The following GRIP2 variants were observed in gnomAD, a reference collection of about 807,000 sequenced individuals.
GRIP2 encodes the protein glutamate receptor-interacting protein 2.
In GRIP2, 58 loss-of-function variants were observed where a neutral mutation model predicts 108.3. The observed-to-expected ratio is 0.54, with a 90% CI of 0.43 to 0.67. The LOEUF is 0.67. Ranked by LOEUF, GRIP2 falls within the 30% of genes least tolerant of loss-of-function variation. The pLI, the probability that GRIP2 is intolerant of heterozygous loss-of-function variation, is 0.00. For synonymous variants in GRIP2, 586 were observed against 598.2 expected, an observed-to-expected ratio of 0.98 and a Z score of 0.30; for missense variants, 1,278 against 1,430.6, an observed-to-expected ratio of 0.89 and a Z score of 1.72.
intron 1 of GRIP2, among the ~76,000 whole-genome samples, chr3:14,554,686 C>T (rs1025014364): frequency 1.4e-5 from 2 of 147,386 alleles, no homozygotes; most frequent in Non-Finnish European, 3.0e-5. Flanking sequence ...AAGGAAGACT[C>T]CCTGTGTAGG....
At chr3:14,544,838 G>T (rs114618981), upstream of GRIP2, among the ~76,000 whole-genome samples, 6,516 of 152,232 alleles carry the variant, frequency 0.043, 462 homozygotes, top group African/African-American at 0.15. Context: ...GATTCCACCA[G>T]CCACAGGGGA....
At chr3:14,569,239 A>G in the GRIP2 span, among the ~76,000 whole-genome samples, 2 of 152,206 alleles carry the variant, frequency 1.3e-5, no homozygotes, top group Non-Finnish European at 2.9e-5. Flanking sequence ...GCTAGCCTGG[A>G]ATTACAACTT....
the GRIP2 span, among the ~76,000 whole-genome samples, chr3:14,585,335 T>C: frequency 1.3e-5 from 2 of 152,246 alleles, no homozygotes; most frequent in Non-Finnish European, 2.9e-5. Flanking sequence ...TATGGAGATT[T>C]CAGCATAAAA....
At chr3:14,528,007 G>C (rs1010954425) in intron 1 of GRIP2, among the ~76,000 whole-genome samples, 2 of 152,188 alleles carry the variant, frequency 1.3e-5, no homozygotes, top group African/African-American at 4.8e-5. Flanking sequence ...CCACGACCAA[G>C]TTTTAGAACA....
At chr3:14,581,359 T>C in the GRIP2 span, among the ~76,000 whole-genome samples, 2 of 152,174 alleles carry the variant, frequency 1.3e-5, no homozygotes, top group Admixed American at 1.3e-4. Context: ...TGTGATTTCC[T>C]GGCTTACGGA....
chr3:14,506,158 G>A (rs569193123), intron 19 of GRIP2, among the ~76,000 whole-genome samples: 2 of 152,330 alleles, frequency 1.3e-5, no homozygotes, highest in African/African-American at 4.8e-5. Flanking sequence ...GGAAGCTGAG[G>A]CCCAGGGAGA....
At position 14,511,177 on chromosome 3, in the gene GRIP2, C is replaced by T. The variant is rs775340818; in HGVS notation, c.1921G>A (p.Glu641Lys). The T allele has an allele frequency of 2.5e-6, 4 of 1,613,798 alleles. No individual in the cohort carries two copies. The highest frequency in any genetic ancestry group is 1.7e-5 in the Admixed American group (1 of 59,992). ...DLVKLKIRKD[E>K]DNSDELETTG... Reference sequence around the variant, plus strand: ...ATGAGGGCCATACCAGAGTTGTCCTCGTCCTTCCGGATCTTCAGCTTCACC... The same window carrying T: ...ATGAGGGCCATACCAGAGTTGTCCTTGTCCTTCCGGATCTTCAGCTTCACC... Residue 641 changes from glutamate to lysine, a missense_variant, in exon 16 of 24, where the codon GAG becomes AAG. Glu to Lys is a moderately conservative substitution (Grantham distance 56). Coordinates refer to ENST00000621039, the MANE Select transcript of GRIP2 (RefSeq NM_001080423.4). This position sits in a 1 kb window ranked among gnomAD's most constrained non-coding sequence, Gnocchi z 4.1.
Position 14,531,580 on chromosome 3 carries a change from C to T in GRIP2, c.41-5649G>A, listed in dbSNP as rs138183226. Among the ~76,000 whole-genome samples, 279 of 152,310 alleles carry T rather than the reference C, an allele frequency of 1.8e-3. 1 individual carries two copies. The highest frequency in any genetic ancestry group is 5.9e-3 in the African/African-American group (246 of 41,560). ...ACTCACAGATCCTGCAGCAGCCATG[C>T]CCTGTGCACACCACCACATTATCTT... On this transcript the variant is annotated intron_variant, in intron 1 of 23. Transcript: ENST00000621039.
chr3:14,574,156 C>T, the GRIP2 span: 2 of 921,162 alleles, frequency 2.2e-6, no homozygotes, highest in Non-Finnish European at 3.6e-6. Context: ...ATGCACACGG[C>T]TAGAATGGTG....
rs1453336354 is a variant in GRIP2 at position 14,512,522 on chromosome 3, C to A, written c.1720+255G>T. Among the ~76,000 whole-genome samples, 1 of 152,178 alleles carries A rather than the reference C, an allele frequency of 6.6e-6. No homozygotes were observed. Among genetic ancestry groups the A allele is most frequent in the East Asian group, 1.9e-4 (1 of 5,188 alleles). On this transcript the variant is annotated intron_variant, in intron 14 of 23. Coordinates refer to ENST00000621039, the MANE Select transcript of GRIP2 (RefSeq NM_001080423.4). This position sits in a 1 kb window ranked among gnomAD's most constrained non-coding sequence, Gnocchi z 5.1. ...ATGCTCTCTCACCATGGGCACCTCACAAGCCCCCTGGGAGACCCACGAGGC... is the reference window on the plus strand; with the variant it reads ...ATGCTCTCTCACCATGGGCACCTCAAAAGCCCCCTGGGAGACCCACGAGGC...
upstream of GRIP2, among the ~76,000 whole-genome samples, chr3:14,541,191 A>T (rs1215689521): frequency 6.6e-6 from 1 of 152,258 alleles, no homozygotes; most frequent in East Asian, 1.9e-4. Flanking sequence ...GTCTGTGAGA[A>T]GGGGTGGCAG....
At position 14,503,607 on chromosome 3, in the gene GRIP2, G is replaced by A; in HGVS notation, c.2638C>T (p.Leu880=). 6.2e-7 allele frequency: 1 copy of A among 1,611,518 alleles called. No individual in the cohort carries two copies. The highest frequency in any genetic ancestry group is 1.3e-5 in the African/African-American group (1 of 74,880). Residue 880 remains leucine, a synonymous_variant, in exon 21 of 24, where the codon CTG becomes TTG. Transcript: ENST00000621039. ...WRMFGEALED[L]ESCGQSELLR... is the part of the protein sequence containing the mutation. ...AGCTCTGACTGACCACATGACTCCAGGTCTTCGAGAGCTTCTCCAAACATG... is the reference window on the plus strand; with the variant it reads ...AGCTCTGACTGACCACATGACTCCAAGTCTTCGAGAGCTTCTCCAAACATG...
At chr3:14,552,313 T>C (rs1695162942) in intron 1 of GRIP2, among the ~76,000 whole-genome samples, 2 of 152,106 alleles carry the variant, frequency 1.3e-5, no homozygotes, top group Admixed American at 6.5e-5. Context: ...GAATAATTCA[T>C]CACAGACATG....
intron 1 of GRIP2, among the ~76,000 whole-genome samples, chr3:14,526,929 G>A (rs1175378097): frequency 6.6e-6 from 1 of 152,146 alleles, no homozygotes; most frequent in Non-Finnish European, 1.5e-5. Flanking sequence ...GTTCATGCCT[G>A]TAATCTCAAC....
At chr3:14,504,439 GA>G (rs1448984069) in intron 20 of GRIP2, among the ~76,000 whole-genome samples, 2 of 151,432 alleles carry the variant, frequency 1.3e-5, no homozygotes, top group Non-Finnish European at 2.9e-5. Context: ...AGCCTCCCGA[GA>G]AGCTAGGACC....
chr3:14,556,444 C>G (rs1417357910), upstream of GRIP2, among the ~76,000 whole-genome samples: 1 of 152,196 alleles, frequency 6.6e-6, no homozygotes, highest in Non-Finnish European at 1.5e-5. Context: ...CAGGGCACCC[C>G]GCCTGCTGGA....
At chr3:14,509,642 A>C (rs1249980454) in intron 17 of GRIP2, among the ~76,000 whole-genome samples, 178 bp downstream of exon 17, 2 of 152,270 alleles carry the variant, frequency 1.3e-5, no homozygotes, top group Non-Finnish European at 2.9e-5. Context: ...GCAGGGGCTG[A>C]CACTCATTTT....
the GRIP2 span, among the ~76,000 whole-genome samples, chr3:14,563,464 G>A: frequency 6.6e-6 from 1 of 152,294 alleles, no homozygotes; most frequent in Non-Finnish European, 1.5e-5. Flanking sequence ...TTGGTGGGCG[G>A]GGGCTGGGGG....
chr3:14,579,377 AGT>A, the GRIP2 span, among the ~76,000 whole-genome samples: 7 of 152,296 alleles, frequency 4.6e-5, no homozygotes, highest in East Asian at 3.9e-4. Flanking sequence ...ACTAAAAATG[AGT>A]GTGTTTTACT....
Sources: gnomAD v4.1 joint callset for allele counts (sites outside exome capture counted in the v4.1 genomes callset) on GRCh38, gnomAD v4.1.1 for gene constraint, Gnocchi (gnomAD v3.1) non-coding constraint, MANE v1.5 for transcripts, NCBI Gene and HGNC (gene_info 2026-07-23, HGNC 2026-07-21) for gene names.